Variants in CASTOR2 observed in about 807,000 individuals in gnomAD.
The protein encoded by CASTOR2 is cytosolic arginine sensor for mTORC1 subunit 2.
CASTOR2 carries 8 observed loss-of-function variants against 31.2 expected under a neutral mutation model. That is an observed-to-expected ratio of 0.26 (90% CI 0.15 to 0.46). The LOEUF is 0.46. Among genes scored for constraint, CASTOR2 ranks in the 20% least tolerant of loss-of-function variants. The probability of loss-of-function intolerance (pLI) is 0.99; values close to 1 mark genes in which losing one functional copy is unlikely to be tolerated. For synonymous variants in CASTOR2, 162 were observed against 158.7 expected (o/e 1.02, Z -0.16); for missense variants, 216 against 382.1 (o/e 0.57, Z 3.62).
At chr7:74,994,013 G>GGA (rs1804277315) in intron 1 of CASTOR2, among the ~76,000 whole-genome samples, 1 of 152,196 alleles carries the variant, frequency 6.6e-6, no homozygotes, top group African/African-American at 2.4e-5. Context: ...GGATGCCCGG[G>GGA]GAGAGGCCCC....
intron 1 of CASTOR2, among the ~76,000 whole-genome samples, chr7:74,984,838 G>A (rs1473226779): frequency 6.6e-6 from 1 of 152,118 alleles, no homozygotes; most frequent in Non-Finnish European, 1.5e-5. Flanking sequence ...TCAGAAGTCT[G>A]ATTTAAGAGC....
At position 75,028,641 on chromosome 7, in the gene CASTOR2, G is replaced by A. The variant is rs1021317150; in HGVS notation, c.*3942G>A. Among the ~76,000 whole-genome samples the A allele has an allele frequency of 5.3e-5, 8 of 152,248 alleles. No individual in the cohort carries two copies. In the East Asian group the frequency reaches 1.5e-3, roughly 29 times the overall value. ...TGCCACTGATAAGTTCTGCCTCGTCGTGGGGCTCCCCTGGTTCCCAAGACA... is the reference window on the plus strand; with the variant it reads ...TGCCACTGATAAGTTCTGCCTCGTCATGGGGCTCCCCTGGTTCCCAAGACA... On this transcript the variant is annotated 3_prime_UTR_variant, in exon 9 of 9. Coordinates refer to ENST00000616305, the MANE Select transcript of CASTOR2 (RefSeq NM_001145064.3).
rs1804931095 is a variant in CASTOR2 at position 75,018,975 on chromosome 7, A to G, written c.515A>G (p.Gln172Arg). 1 of 1,551,886 alleles carries G rather than the reference A, an allele frequency of 6.4e-7. No individual in the cohort carries two copies. Among genetic ancestry groups the G allele is most frequent in the African/African-American group, 1.4e-5 (1 of 73,050 alleles). ...TGACATCTTTGTGCTCTTACAGTCC[A>G]GAGGCCAGTCATCCACCCACTGTCC... ...TNGFVKPKLV[Q>R]RPVIHPLSSP... Residue 172 changes from glutamine (Q) to arginine (R), a missense_variant, in exon 5 of 9, where the codon CAG (glutamine) becomes CGG (arginine). Transcript: ENST00000616305.
intron 2 of CASTOR2, among the ~76,000 whole-genome samples, chr7:75,014,739 C>A (rs1300833508): frequency 2.6e-5 from 4 of 152,208 alleles, no homozygotes; most frequent in Non-Finnish European, 5.9e-5. Flanking sequence ...GCCGCCTCTT[C>A]CCCCACACCC....
At chr7:75,005,047 TG>T (rs1409661127) in intron 1 of CASTOR2, among the ~76,000 whole-genome samples, 2 of 148,952 alleles carry the variant, frequency 1.3e-5, no homozygotes, top group African/African-American at 5.0e-5. Context: ...TGCATTTTTT[TG>T]TAGAGACAGG....
chr7:75,027,630 C>A lies in CASTOR2; in HGVS notation c.*2931C>A. ...CATGTGTGTCGGGGCGCGCTGGGGC[C>A]AGGGTATGGCTCTCCGCCCTGGCTG... On this transcript the variant is annotated 3_prime_UTR_variant, in exon 9 of 9. Coordinates refer to ENST00000616305, the MANE Select transcript of CASTOR2 (RefSeq NM_001145064.3). 1 of 222,648 alleles carries A rather than the reference C, an allele frequency of 4.5e-6. No individual in the cohort carries two copies. Among genetic ancestry groups the A allele is most frequent in the Non-Finnish European group, 9.0e-6 (1 of 111,414 alleles). The allele number at this position is 222,648 out of a possible 1,614,324, so 13.8% of individuals were successfully genotyped here. A position where few individuals can be genotyped will look rare whatever the true frequency, so the allele number is the denominator to read the frequency against.
chr7:74,977,811 T>C (rs1336982538), intron 1 of CASTOR2, among the ~76,000 whole-genome samples: 3 of 150,438 alleles, frequency 2.0e-5, no homozygotes, highest in African/African-American at 7.3e-5. Context: ...ACTGAGTAGC[T>C]GGGACTGCAA....
At chr7:75,020,991 TA>T (rs1264548022) in intron 6 of CASTOR2, among the ~76,000 whole-genome samples, 32 of 151,818 alleles carry the variant, frequency 2.1e-4, no homozygotes, top group African/African-American at 6.5e-4. Flanking sequence ...TATTTTTTTT[TA>T]ATATTTATTT....
At chr7:74,971,035 G>A (rs1166855691) in intron 1 of CASTOR2, among the ~76,000 whole-genome samples, 3 of 150,722 alleles carry the variant, frequency 2.0e-5, no homozygotes, top group Non-Finnish European at 4.4e-5. Context: ...TCACTTGGTC[G>A]CCCAGGCTGG....
intron 2 of CASTOR2, among the ~76,000 whole-genome samples, chr7:75,009,393 G>C (rs1426987328): frequency 1.4e-3 from 188 of 132,138 alleles, no homozygotes; most frequent in African/African-American, 4.6e-3. Context: ...TCAGTCTCCC[G>C]AGTAGCTGGG....
At position 75,002,353 on chromosome 7, in the gene CASTOR2, T is replaced by TCC. The variant is rs1289963126; in HGVS notation, c.114-5640_114-5639insCC. ...GAACATTTAGGCTGGGCGAGGTGGG[T>TCC]CATGCCTGTAATCCCAGCACTTTGG... On this transcript the variant is annotated intron_variant, in intron 1 of 8. Transcript: ENST00000616305. 7.4e-3 allele frequency among the ~76,000 whole-genome samples: 1,118 copies of TCC among 152,064 alleles called. 7 individuals carry two copies. The highest frequency in any genetic ancestry group is 0.012 in the Non-Finnish European group (795 of 67,972).
intron 1 of CASTOR2, among the ~76,000 whole-genome samples, chr7:74,991,249 T>A (rs1554437313): frequency 6.6e-6 from 1 of 152,022 alleles, no homozygotes; most frequent in Non-Finnish European, 1.5e-5. Flanking sequence ...CATAACTGGA[T>A]ATGAGGGAAG....
intron 1 of CASTOR2, among the ~76,000 whole-genome samples, chr7:74,999,021 A>G (rs2131938115): frequency 6.6e-6 from 1 of 151,390 alleles, no homozygotes; most frequent in Admixed American, 6.6e-5. Context: ...TTTGAGATGG[A>G]GTCTCGCTCT....
At position 75,031,101 on chromosome 7, in the gene CASTOR2, G is replaced by T. The variant is rs980492576; in HGVS notation, c.*6402G>T. Among the ~76,000 whole-genome samples, 3 of 152,246 alleles carry T rather than the reference G, an allele frequency of 2.0e-5. No homozygotes were observed. Among genetic ancestry groups the T allele is most frequent in the African/African-American group, 4.8e-5 (2 of 41,470 alleles). On this transcript the variant is annotated 3_prime_UTR_variant, in exon 9 of 9. Coordinates refer to ENST00000616305, the MANE Select transcript of CASTOR2 (RefSeq NM_001145064.3). ...GAGTTGAGCAGAGTTCCCTCTAAAA[G>T]AGTAGGGAGCTGATAACAGTCCCAA... is the stretch of plus-strand genomic sequence containing the variant.
At chr7:74,991,155 G>A (rs1804201850) in intron 1 of CASTOR2, among the ~76,000 whole-genome samples, 2 of 152,116 alleles carry the variant, frequency 1.3e-5, no homozygotes, top group African/African-American at 4.8e-5. Flanking sequence ...GAGCTGGAAG[G>A]TGTGAGCATC....
rs1805170428 is a variant in CASTOR2 at position 75,027,520 on chromosome 7, G to GT, written c.*2827dup. On this transcript the variant is annotated 3_prime_UTR_variant, in exon 9 of 9. Coordinates refer to ENST00000616305, the MANE Select transcript of CASTOR2 (RefSeq NM_001145064.3). ...CGCAGGCAGCTTCTCTGTTTTTTTTGTTTTTTGTAACCTGCAAGCTTAGAA... is the reference window on the plus strand; with the variant it reads ...CGCAGGCAGCTTCTCTGTTTTTTTTGTTTTTTTGTAACCTGCAAGCTTAGAA... 4 of 159,818 alleles carry GT rather than the reference G, an allele frequency of 2.5e-5. No individual in the cohort carries two copies. The allele number at this position is 159,818 out of a possible 1,614,324, so 9.9% of individuals were successfully genotyped here. A position where few individuals can be genotyped will look rare whatever the true frequency, so the allele number is the denominator to read the frequency against.
intron 1 of CASTOR2, among the ~76,000 whole-genome samples, chr7:74,967,044 AGAT>A (rs1803581254): frequency 2.1e-5 from 1 of 47,538 alleles, no homozygotes; most frequent in African/African-American, 4.0e-5. Context: ...TCCAGTTTCA[AGAT>A]GACTCAGAGG....
At chr7:74,992,183 C>A (rs1271389092) in intron 1 of CASTOR2, among the ~76,000 whole-genome samples, 1 of 152,042 alleles carries the variant, frequency 6.6e-6, no homozygotes, top group East Asian at 1.9e-4. Context: ...AAAGGTCTTC[C>A]CAGTTCTGGT....
rs1563067149 is a variant in CASTOR2 at position 75,027,971 on chromosome 7, G to A, written c.*3272G>A. 3 of 1,504,460 alleles carry A rather than the reference G, an allele frequency of 2.0e-6. No homozygotes were observed. Among genetic ancestry groups the A allele is most frequent in the Non-Finnish European group, 2.7e-6 (3 of 1,119,446 alleles). 93.2% of individuals were successfully genotyped at this position (1,504,460 alleles called of 1,614,324 possible). On this transcript the variant is annotated 3_prime_UTR_variant, in exon 9 of 9. Coordinates refer to ENST00000616305, the MANE Select transcript of CASTOR2 (RefSeq NM_001145064.3). ...TTGGAGGGGCATGTGTTTCTCAGAG[G>A]GGCTCCATCCGCAGTTGCATGGAAC...
Sources: gnomAD v4.1 joint callset for allele counts (sites outside exome capture counted in the v4.1 genomes callset) on GRCh38, gnomAD v4.1.1 for gene constraint, MANE v1.5 for transcripts, NCBI Gene and HGNC (gene_info 2026-07-23, HGNC 2026-07-21) for gene names.